Variants in TYW1 observed in about 807,000 individuals in gnomAD.
TYW1 encodes the protein tRNA-yW synthesizing protein 1 homolog.
TYW1 carries 46 observed loss-of-function variants against 96.2 expected under a neutral mutation model. The observed-to-expected ratio is 0.48, with a 90% CI of 0.38 to 0.61. The LOEUF is 0.61. Among genes scored for constraint, TYW1 ranks in the 20% least tolerant of loss-of-function variants. The probability of loss-of-function intolerance (pLI) is 0.00; values close to 1 mark genes in which losing one functional copy is unlikely to be tolerated. For synonymous variants in TYW1, 274 were observed against 323.0 expected (o/e 0.85, Z 1.63); for missense variants, 684 against 909.6 (o/e 0.75, Z 3.19).
intron 3 of TYW1, among the ~76,000 whole-genome samples, chr7:67,008,217 C>T (rs1461226275): frequency 6.6e-6 from 1 of 152,132 alleles, no homozygotes; most frequent in East Asian, 1.9e-4. Flanking sequence ...GCTTCCAGGC[C>T]GTTTCTGGCC....
chr7:67,157,726 T>C (rs1799028947), intron 13 of TYW1, among the ~76,000 whole-genome samples: 1 of 152,246 alleles, frequency 6.6e-6, no homozygotes, highest in Non-Finnish European at 1.5e-5. Context: ...TAGGCTTCTC[T>C]AGGCGGGACA....
chr7:67,161,887 G>C (rs1290693148), intron 13 of TYW1, among the ~76,000 whole-genome samples: 1 of 152,116 alleles, frequency 6.6e-6, no homozygotes. Context: ...AAGCTTTCCA[G>C]GGAGGAAACT....
At chr7:67,037,167 T>C (rs1009979428) in intron 7 of TYW1, among the ~76,000 whole-genome samples, 5 of 152,154 alleles carry the variant, frequency 3.3e-5, no homozygotes, top group Non-Finnish European at 7.3e-5. Flanking sequence ...AGACACCTAA[T>C]TAGCATAAAA....
intron 9 of TYW1, among the ~76,000 whole-genome samples, chr7:67,065,303 T>G (rs777290392): frequency 3.3e-5 from 5 of 152,198 alleles, no homozygotes; most frequent in Non-Finnish European, 7.3e-5. Flanking sequence ...AGAGCCTATA[T>G]CCACATGCCG....
At chr7:67,113,254 G>T (rs1797480300) in intron 12 of TYW1, among the ~76,000 whole-genome samples, 1 of 81,868 alleles carries the variant, frequency 1.2e-5, no homozygotes, top group South Asian at 4.1e-4. Context: ...TCCATCTTCT[G>T]TTCCCTCCAG....
Position 67,172,773 on chromosome 7 carries a change from A to G in TYW1, c.1699-10353A>G, listed in dbSNP as rs550674808. On this transcript the variant is annotated intron_variant, in intron 13 of 15. Transcript: ENST00000359626. Reference sequence around the variant, plus strand: ...CATTCAGTATTCATGATTTAACCACAGATTTTCTCTTCAGTCTTTCCTATG... The same window carrying G: ...CATTCAGTATTCATGATTTAACCACGGATTTTCTCTTCAGTCTTTCCTATG... Among the ~76,000 whole-genome samples the G allele has an allele frequency of 7.2e-4, 110 of 152,190 alleles. 1 individual carries two copies. The highest frequency in any genetic ancestry group is 2.6e-3 in the African/African-American group (109 of 41,494).
chr7:67,210,878 A>C (rs1800989301), intron 15 of TYW1, among the ~76,000 whole-genome samples: 1 of 147,540 alleles, frequency 6.8e-6, no homozygotes, highest in African/African-American at 2.5e-5. Flanking sequence ...CTATCTATCC[A>C]TCTGTCCATC....
At position 67,195,227 on chromosome 7, in the gene TYW1, TG is replaced by T; in HGVS notation, c.1869del (p.Trp623CysfsTer15). On this transcript the variant is annotated frameshift_variant, in exon 15 of 16. Transcript: ENST00000359626. LOFTEE classifies it high-confidence loss of function. The part of the protein sequence containing the change: ...ASSLTMAHVP[W>X]HEEVVQFVHE... ...CAGTCTTACCATGGCCCACGTGCCC[TG>T]GCATGAGGAAGTGGTACAGTTTGTC... 1 of 1,613,806 alleles carries T rather than the reference TG, an allele frequency of 6.2e-7. No homozygotes were observed. The highest frequency in any genetic ancestry group is 8.5e-7 in the Non-Finnish European group (1 of 1,179,984).
In TYW1 at chr7:67,017,847, T is replaced by A. The variant is rs1486071073; in HGVS notation, c.571-6T>A. 1.2e-6 allele frequency: 2 copies of A among 1,609,436 alleles called. No individual in the cohort carries two copies. On this transcript the variant is annotated splice_region_variant and splice_polypyrimidine_tract_variant and intron_variant, in intron 5 of 15. Transcript: ENST00000359626. Reference sequence around the variant, plus strand: ...TGCTTTTAGCCTATCTATCTTTTCCTCACAGGTTGGCAAAAATGTTGACAA... The same window carrying A: ...TGCTTTTAGCCTATCTATCTTTTCCACACAGGTTGGCAAAAATGTTGACAA...
intron 13 of TYW1, among the ~76,000 whole-genome samples, chr7:67,129,850 C>T (rs1038664254): frequency 2.6e-5 from 4 of 152,098 alleles, no homozygotes; most frequent in Non-Finnish European, 4.4e-5. Context: ...TGGTTCTTTC[C>T]TAGCCCAGTT....
At chr7:67,089,402 T>C (rs1414292195) in intron 11 of TYW1, 1 of 1,262,482 alleles carries the variant, frequency 7.9e-7, no homozygotes, top group Non-Finnish European at 1.2e-6. Flanking sequence ...GGAGGCCTGC[T>C]GGTAAAGGTC....
chr7:67,049,103 G>A (rs114920222), intron 7 of TYW1, among the ~76,000 whole-genome samples: 8 of 152,208 alleles, frequency 5.3e-5, no homozygotes, highest in African/African-American at 1.9e-4. Context: ...TCTCAGGGTG[G>A]CTTAGAGTAC....
chr7:67,187,016 T>C lies in TYW1; in HGVS notation c.1809+3780T>C, dbSNP rs1272164593. Among the ~76,000 whole-genome samples the C allele has an allele frequency of 8.6e-5, 13 of 151,498 alleles. 1 individual carries two copies. Reference sequence around the variant, plus strand: ...TGACCTACTCTGAGAGATTTTATAATTGAAAACTCTTGGAGAAATGTATAA... The same window carrying C: ...TGACCTACTCTGAGAGATTTTATAACTGAAAACTCTTGGAGAAATGTATAA... On this transcript the variant is annotated intron_variant, in intron 14 of 15. Coordinates refer to ENST00000359626, the MANE Select transcript of TYW1 (RefSeq NM_018264.4).
chr7:67,007,000 G>A (rs1793619381), intron 3 of TYW1, among the ~76,000 whole-genome samples: 1 of 122,206 alleles, frequency 8.2e-6, no homozygotes, highest in Non-Finnish European at 1.6e-5. Flanking sequence ...TGAACTAATA[G>A]GGCAAGAACT....
At chr7:67,021,622 C>T (rs1794279144) in intron 6 of TYW1, among the ~76,000 whole-genome samples, 1 of 152,188 alleles carries the variant, frequency 6.6e-6, no homozygotes, top group Non-Finnish European at 1.5e-5. Context: ...CTGTGTGTCT[C>T]TTACTGGATT....
intron 7 of TYW1, among the ~76,000 whole-genome samples, chr7:67,048,633 A>G (rs562038097): frequency 1.1e-3 from 173 of 152,336 alleles, no homozygotes; most frequent in African/African-American, 3.7e-3. Flanking sequence ...CAATGAATAG[A>G]AGACCAACAT....
chr7:67,101,004 A>G (rs1797070414), intron 12 of TYW1, among the ~76,000 whole-genome samples: 1 of 152,142 alleles, frequency 6.6e-6, no homozygotes, highest in Non-Finnish European at 1.5e-5. Context: ...TCAAGGATTC[A>G]GGGCGGGTGA....
At chr7:67,229,492 T>C (rs1046503355) in intron 15 of TYW1, among the ~76,000 whole-genome samples, 2 of 151,894 alleles carry the variant, frequency 1.3e-5, no homozygotes, top group African/African-American at 2.4e-5. Flanking sequence ...TGAGCCGAGA[T>C]TGTGCCACTG....
intron 14 of TYW1, among the ~76,000 whole-genome samples, chr7:67,186,178 T>A (rs1006761400): frequency 1.4e-5 from 2 of 145,510 alleles, no homozygotes; most frequent in African/African-American, 5.2e-5. Context: ...TATTAAAGAA[T>A]GCTGCCTCAA....
Sources: allele counts gnomAD v4.1 joint callset (sites outside exome capture counted in the v4.1 genomes callset), GRCh38; gene constraint gnomAD v4.1.1; transcripts MANE v1.5; gene names NCBI Gene and HGNC (gene_info 2026-07-23, HGNC 2026-07-21).